The following SYNE2 variants were observed in gnomAD, a reference collection of about 807,000 sequenced individuals.
The protein encoded by SYNE2 is spectrin repeat containing nuclear envelope protein 2.
SYNE2 carries 431 observed loss-of-function variants against 856.3 expected under a neutral mutation model. The observed-to-expected ratio is 0.50, with a 90% CI of 0.47 to 0.55. The LOEUF (loss-of-function observed/expected upper bound fraction) is 0.55, where lower values mean the gene tolerates loss of function less well. Ranked by LOEUF, SYNE2 falls within the 20% of genes least tolerant of loss-of-function variation. SYNE2 has a pLI of 0.00. For synonymous variants in SYNE2, 2,923 were observed against 2,872.3 expected (o/e 1.02, Z -0.56); for missense variants, 8,129 against 8,023.2 (o/e 1.01, Z -0.50).
At chr14:64,161,985 T>C in intron 87 of SYNE2, 87 bp from the exon 88 acceptor site, 1 of 1,456,294 alleles carries the variant, frequency 6.9e-7, no homozygotes. Context: ...CATCTGCTAG[T>C]AACTTACCAG....
At chr14:63,822,107 C>G (rs1186321256) in intron 1 of SYNE2, among the ~76,000 whole-genome samples, 2 of 152,030 alleles carry the variant, frequency 1.3e-5, no homozygotes, top group African/African-American at 4.8e-5. Context: ...AGGAGAATTG[C>G]TTGAACCTGG....
chr14:63,827,653 A>AAAAG lies in SYNE2; in HGVS notation c.-304-24840_-304-24837dup, dbSNP rs1276866623. 4.3e-4 allele frequency among the ~76,000 whole-genome samples: 64 copies of AAAAG among 148,810 alleles called. 1 individual carries two copies. The highest frequency in any genetic ancestry group is 5.4e-4 in the Non-Finnish European group (36 of 67,178). On this transcript the variant is annotated intron_variant, in intron 1 of 23. Coordinates refer to the SYNE2 transcript ENST00000674003. ...AAAAAAAAAAAAAAAAAAAAAAAAAAAAAGAAAGAAAAAGAAAAAAAGAAA... is the reference window on the plus strand; with the variant it reads ...AAAAAAAAAAAAAAAAAAAAAAAAAAAAAGAAAGAAAGAAAAAGAAAAAAAGAAA...
Position 64,026,653 on chromosome 14 carries a change from C to T in SYNE2, c.6327C>T (p.Ala2109=), listed in dbSNP as rs778614480. 1 of 1,613,408 alleles carries T rather than the reference C, an allele frequency of 6.2e-7. No homozygotes were observed. Among genetic ancestry groups the T allele is most frequent in the Non-Finnish European group, 8.5e-7 (1 of 1,179,646 alleles). Residue 2109 remains alanine, a synonymous_variant, in exon 42 of 116, where the codon GCC becomes GCT. Transcript: ENST00000555002. The part of the protein sequence containing the change: ...TIMKQAESSE[A]PLVQKTLTDI... The stretch of plus-strand genomic sequence containing the variant: ...TGAAGCAGGCTGAGAGCAGCGAGGC[C>T]CCGCTGGTTCAGAAGACCCTCACTG...
chr14:64,182,224 T>G (rs1276615375), intron 96 of SYNE2, among the ~76,000 whole-genome samples: 1 of 152,118 alleles, frequency 6.6e-6, no homozygotes, highest in Non-Finnish European at 1.5e-5. Context: ...CAACTTGAAA[T>G]TTTACATCCC....
At chr14:63,974,882 G>GTATATATATA (rs1465256139) in intron 11 of SYNE2, among the ~76,000 whole-genome samples, 20 of 27,110 alleles carry the variant, frequency 7.4e-4, no homozygotes, top group East Asian at 2.8e-3. Context: ...GTGTGTGTGT[G>GTATATATATA]TGTGTGTGTG....
At chr14:63,807,341 C>CA (rs574264237) in intron 1 of SYNE2, among the ~76,000 whole-genome samples, 22,122 of 86,458 alleles carry the variant, frequency 0.26, 2,226 homozygotes, top group African/African-American at 0.36. Context: ...GACCCTGTCT[C>CA]AAAAAAAAAA....
At chr14:63,790,675 TGAAA>T (rs1887701295) in intron 1 of SYNE2, among the ~76,000 whole-genome samples, 2 of 152,100 alleles carry the variant, frequency 1.3e-5, no homozygotes, top group East Asian at 3.9e-4. Flanking sequence ...GTTGGATAAA[TGAAA>T]GGTCAGTAGA....
chr14:64,003,892 C>T (rs1160265359), intron 30 of SYNE2, among the ~76,000 whole-genome samples: 1 of 152,226 alleles, frequency 6.6e-6, no homozygotes, highest in Non-Finnish European at 1.5e-5. Context: ...TGGCAGCCTT[C>T]TGTATACCTG....
chr14:63,841,989 T>C (rs143139003), intron 1 of SYNE2, among the ~76,000 whole-genome samples: 1 of 151,622 alleles, frequency 6.6e-6, no homozygotes, highest in East Asian at 1.9e-4. Flanking sequence ...CCCACCACCA[T>C]GCCCGGCTAA....
chr14:64,129,532 A>G (rs535888918), intron 74 of SYNE2, among the ~76,000 whole-genome samples: 1 of 152,328 alleles, frequency 6.6e-6, no homozygotes, highest in Admixed American at 6.5e-5. Flanking sequence ...TGCTAACCGC[A>G]GGACAGAATG....
At chr14:64,163,726 C>G (rs1017375336) in intron 89 of SYNE2, 145 bp downstream of exon 89, 1 of 878,724 alleles carries the variant, frequency 1.1e-6, no homozygotes, top group South Asian at 1.4e-5. Context: ...GTATACGATT[C>G]TAGCTTCAAT....
chr14:64,011,858 A>G (rs895543060), intron 32 of SYNE2, among the ~76,000 whole-genome samples: 3 of 152,170 alleles, frequency 2.0e-5, no homozygotes, highest in Admixed American at 6.5e-5. Flanking sequence ...AGCTGACTCC[A>G]TTCCTGGGTG....
At chr14:63,796,113 G>C (rs577423716) in intron 1 of SYNE2, among the ~76,000 whole-genome samples, 1 of 152,302 alleles carries the variant, frequency 6.6e-6, no homozygotes, top group Non-Finnish European at 1.5e-5. Context: ...TTCAAATCCA[G>C]GCATTTGGTT....
intron 84 of SYNE2, among the ~76,000 whole-genome samples, chr14:64,150,985 G>T (rs910435289): frequency 6.6e-6 from 1 of 152,106 alleles, no homozygotes; most frequent in South Asian, 2.1e-4. Flanking sequence ...AGTATGGGTG[G>T]ATTGTTACGA....
At chr14:63,818,865 AT>A (rs1889108585) in intron 1 of SYNE2, among the ~76,000 whole-genome samples, 1 of 151,720 alleles carries the variant, frequency 6.6e-6, no homozygotes, top group African/African-American at 2.4e-5. Flanking sequence ...TGCCCAGCTA[AT>A]TTTTTGTATT....
rs145344879 is a variant in SYNE2 at position 64,098,790 on chromosome 14, A to G, written c.12350A>G (p.Glu4117Gly). The G allele has an allele frequency of 1.2e-5, 19 of 1,614,024 alleles. No individual in the cohort carries two copies. In the African/African-American group the frequency reaches 2.3e-4, roughly 19 times the overall value. Residue 4117 changes from glutamate to glycine, a missense_variant, in exon 63 of 116, where the codon GAA becomes GGA. Coordinates refer to ENST00000555002, the MANE Select transcript of SYNE2 (RefSeq NM_182914.3). Reference protein sequence around the residue: ...GSMSYLAAVEEEVEESSVKSD... With the variant: ...GSMSYLAAVEGEVEESSVKSD... ...ATGTCTTACCTGGCAGCAGTCGAGG[A>G]AGAGGTGGAAGAAAGTTCCGTGAAG...
intron 49 of SYNE2, among the ~76,000 whole-genome samples, chr14:64,060,988 G>A (rs571957639): frequency 1.2e-4 from 18 of 152,336 alleles, no homozygotes; most frequent in Admixed American, 3.9e-4. Flanking sequence ...CTGCCATGCT[G>A]CTGCTGCTGG....
In SYNE2 at chr14:63,983,870, A is replaced by T; in HGVS notation, c.2135A>T (p.Tyr712Phe). 1 of 1,549,310 alleles carries T rather than the reference A, an allele frequency of 6.5e-7. No homozygotes were observed. The highest frequency in any genetic ancestry group is 8.9e-7 in the Non-Finnish European group (1 of 1,126,344). The change falls in exon 18 of 116, where the codon TAT becomes TTT. Residue 712 changes from tyrosine (Y) to phenylalanine (F), a missense_variant. By Grantham distance (22) the Tyr-to-Phe change is conservative (BLOSUM62 3). Coordinates refer to ENST00000555002, the MANE Select transcript of SYNE2 (RefSeq NM_182914.3). ...ATGTCAGTAGAACTTCCTGAAAATTATAATCAAAATATAAAGGTAAAATAA... is the reference window on the plus strand; with the variant it reads ...ATGTCAGTAGAACTTCCTGAAAATTTTAATCAAAATATAAAGGTAAAATAA... ...TDMSVELPEN[Y>F]NQNIKAGEKH...
chr14:63,814,981 TATCCATATATAC>T (rs1888853878), intron 1 of SYNE2, among the ~76,000 whole-genome samples: 1 of 120,690 alleles, frequency 8.3e-6, no homozygotes, highest in Non-Finnish European at 1.8e-5. Context: ...TATCCATATA[TATCCATATATAC>T]ATCCATATAT....
Sources: gnomAD v4.1 joint callset for allele counts (sites outside exome capture counted in the v4.1 genomes callset) on GRCh38, gnomAD v4.1.1 for gene constraint, MANE v1.5 for transcripts, NCBI Gene and HGNC (gene_info 2026-07-23, HGNC 2026-07-21) for gene names.